Variants in DPP10 observed in about 807,000 individuals in gnomAD.
DPP10 encodes dipeptidyl peptidase like 10.
A neutral mutation model predicts 120.9 loss-of-function variants in DPP10; 33 were observed. That is an observed-to-expected ratio of 0.27 (90% confidence interval 0.21 to 0.37). The LOEUF is 0.37. DPP10 is among the 10% of genes least tolerant of loss of function. The pLI is 1.00. For missense variants in DPP10, 816 were observed against 942.8 expected, an observed-to-expected ratio of 0.87 and a Z score of 1.76; for synonymous variants, 337 against 326.1, an observed-to-expected ratio of 1.03 and a Z score of -0.36.
intron 1 of DPP10, among the ~76,000 whole-genome samples, chr2:115,293,867 A>G (rs2060767135): frequency 6.6e-6 from 1 of 152,148 alleles, no homozygotes; most frequent in African/African-American, 2.4e-5. Flanking sequence ...CGAAGAAACA[A>G]ACTAAGGCTA....
At chr2:115,100,302 G>T (rs986293053) in intron 1 of DPP10, among the ~76,000 whole-genome samples, 1 of 152,088 alleles carries the variant, frequency 6.6e-6, no homozygotes, top group Non-Finnish European at 1.5e-5. Context: ...TAAAGAAATT[G>T]GCCATGCATG....
At chr2:115,307,104 T>G (rs1236812416) in intron 1 of DPP10, among the ~76,000 whole-genome samples, 1 of 152,094 alleles carries the variant, frequency 6.6e-6, no homozygotes, top group Non-Finnish European at 1.5e-5. Context: ...TCAAATCCCG[T>G]TTTCTTATCT....
intron 1 of DPP10, among the ~76,000 whole-genome samples, chr2:114,786,682 T>C (rs540990553): frequency 2.4e-4 from 36 of 152,344 alleles, no homozygotes; most frequent in African/African-American, 8.4e-4. Context: ...TTTAATCGTA[T>C]TAAAAGTAAT....
chr2:114,827,240 AG>A (rs1314216290), intron 1 of DPP10, among the ~76,000 whole-genome samples: 2 of 152,172 alleles, frequency 1.3e-5, no homozygotes, highest in East Asian at 3.9e-4. Flanking sequence ...TAATCTGGAG[AG>A]GTGTGTAATA....
intron 1 of DPP10, among the ~76,000 whole-genome samples, chr2:114,694,549 T>G (rs952986349): frequency 1.1e-4 from 16 of 152,018 alleles, no homozygotes; most frequent in African/African-American, 3.6e-4. Flanking sequence ...TGTGTTCTCT[T>G]TGAGTTTATT....
intron 1 of DPP10, among the ~76,000 whole-genome samples, chr2:114,511,595 G>C (rs944655231): frequency 5.9e-5 from 9 of 152,156 alleles, no homozygotes; most frequent in Non-Finnish European, 8.8e-5. Flanking sequence ...AACCACCTTA[G>C]AGTTACACAT....
chr2:114,893,258 G>A (rs1437575419), intron 1 of DPP10, among the ~76,000 whole-genome samples: 1 of 152,108 alleles, frequency 6.6e-6, no homozygotes, highest in African/African-American at 2.4e-5. Context: ...TATTTACCAT[G>A]AAATATATTG....
chr2:115,787,094 C>A (rs920545860), intron 17 of DPP10, among the ~76,000 whole-genome samples: 3 of 152,266 alleles, frequency 2.0e-5, no homozygotes, highest in Middle Eastern at 3.4e-3. Flanking sequence ...AAAAAGATTT[C>A]TTGAAAAGTC....
At chr2:114,679,854 T>G (rs569479554) in intron 1 of DPP10, among the ~76,000 whole-genome samples, 53 of 152,066 alleles carry the variant, frequency 3.5e-4, no homozygotes, top group African/African-American at 1.3e-3. Flanking sequence ...TACAGTACCC[T>G]TATGGAGCAA....
At chr2:115,694,987 G>C (rs923095263) in intron 7 of DPP10, among the ~76,000 whole-genome samples, 1 of 152,168 alleles carries the variant, frequency 6.6e-6, no homozygotes, top group Admixed American at 6.5e-5. Context: ...GAGGAAGGCA[G>C]CTATTGTTTC....
intron 1 of DPP10, among the ~76,000 whole-genome samples, chr2:115,160,822 C>T (rs2052255197): frequency 6.6e-6 from 1 of 152,114 alleles, no homozygotes; most frequent in African/African-American, 2.4e-5. Context: ...CCAATTCCCA[C>T]ACAACGTAAG....
chr2:114,492,819 A>G (rs1682123808), intron 1 of DPP10, among the ~76,000 whole-genome samples: 1 of 152,198 alleles, frequency 6.6e-6, no homozygotes, highest in South Asian at 2.1e-4. Flanking sequence ...AGATAGAGAA[A>G]TAGTGTCATC....
intron 5 of DPP10, among the ~76,000 whole-genome samples, chr2:115,534,457 T>C (rs2078674771): frequency 6.6e-6 from 1 of 151,202 alleles, no homozygotes; most frequent in Non-Finnish European, 1.5e-5. Flanking sequence ...TTTTTATGGC[T>C]GCATAGTATT....
At chr2:114,976,906 T>G (rs912150088) in intron 1 of DPP10, among the ~76,000 whole-genome samples, 1 of 152,166 alleles carries the variant, frequency 6.6e-6, no homozygotes, top group African/African-American at 2.4e-5. Flanking sequence ...TATCTTTACC[T>G]TCAATCTTCT....
intron 1 of DPP10, among the ~76,000 whole-genome samples, chr2:114,555,149 G>C (rs575669132): frequency 1.1e-4 from 16 of 152,304 alleles, no homozygotes; most frequent in Non-Finnish European, 2.4e-4. Context: ...ATAGAGTATA[G>C]ACACTGTCTT....
chr2:115,014,334 A>G lies in DPP10; in HGVS notation c.61-294905A>G, dbSNP rs187148343. 1.4e-4 allele frequency among the ~76,000 whole-genome samples: 22 copies of G among 152,200 alleles called. No individual in the cohort carries two copies. The East Asian group carries it at 3.7e-3, about 25-fold the overall frequency. ...ACAATATAGCAGAATCTCTGGGACA[A>G]AGCTAAAACATAGTTTAGAGGGAAA... On this transcript the variant is annotated intron_variant, in intron 1 of 25. Transcript: ENST00000410059.
At chr2:115,791,039 G>A in intron 17 of DPP10, 42 bp from the exon 18 acceptor site, 1 of 1,418,292 alleles carries the variant, frequency 7.1e-7, no homozygotes, top group Non-Finnish European at 9.9e-7. Flanking sequence ...TCTGTTTAAT[G>A]CATAGGGGTT....
At chr2:115,070,645 A>G (rs1707289823) in intron 1 of DPP10, among the ~76,000 whole-genome samples, 1 of 152,186 alleles carries the variant, frequency 6.6e-6, no homozygotes. Context: ...ATATGATTAT[A>G]GTATATGATG....
chr2:114,618,986 C>T (rs946013655), intron 1 of DPP10, among the ~76,000 whole-genome samples: 9 of 151,916 alleles, frequency 5.9e-5, no homozygotes, highest in South Asian at 2.1e-4. Context: ...TCAGGAATTG[C>T]CACTACTGAT....
Sources: gnomAD v4.1 joint callset for allele counts (sites outside exome capture counted in the v4.1 genomes callset) on GRCh38, gnomAD v4.1.1 for gene constraint, MANE v1.5 for transcripts, NCBI Gene and HGNC (gene_info 2026-07-23, HGNC 2026-07-21) for gene names.